Variants in TPR observed in about 807,000 individuals in gnomAD.
TPR encodes translocated promoter region, nuclear basket protein.
In TPR, 51 loss-of-function variants were observed where a neutral mutation model predicts 316.1. The observed-to-expected ratio is 0.16, with a 90% CI of 0.13 to 0.20. TPR has a LOEUF of 0.20. Ranked by LOEUF, TPR falls within the 10% of genes least tolerant of loss-of-function variation. The pLI is 1.00. For synonymous variants in TPR, 981 were observed against 914.7 expected, an observed-to-expected ratio of 1.07 and a Z score of -1.31; for missense variants, 2,272 against 2,754.8, an observed-to-expected ratio of 0.82 and a Z score of 3.92.
intron 23 of TPR, 129 bp downstream of exon 23, chr1:186,346,006 A>G (rs968255615): frequency 9.5e-7 from 1 of 1,053,614 alleles, no homozygotes; most frequent in African/African-American, 1.6e-5. Flanking sequence ...GTAAAACATA[A>G]AACTAAAATT....
At chr1:186,363,031 A>G (rs781339744) in intron 5 of TPR, 30 bp from the exon 6 acceptor site, 7 of 1,571,702 alleles carry the variant, frequency 4.5e-6, no homozygotes, top group South Asian at 1.2e-5. Context: ...TAACACGTAC[A>G]GTTAAAGATG....
In TPR at chr1:186,311,831, T is replaced by A. The variant is rs940960500; in HGVS notation, c.*2140A>T. 3.4e-6 allele frequency: 2 copies of A among 587,734 alleles called. No homozygotes were observed. Among genetic ancestry groups the A allele is most frequent in the Non-Finnish European group, 5.9e-6 (2 of 336,906 alleles). The allele number at this position is 587,734 out of a possible 1,614,324, so 36.4% of individuals were successfully genotyped here. ...TTCAGGTCACTGATAGAATGTCATT[T>A]ACTTTCGCTTCACAAATGTGCATGT... On this transcript the variant is annotated 3_prime_UTR_variant, in exon 51 of 51. Transcript: ENST00000367478.
chr1:186,355,505 T>C lies in TPR; in HGVS notation c.2076A>G (p.Ile692Met). Residue 692 changes from isoleucine to methionine, a missense_variant, in exon 17 of 51, where the codon ATA becomes ATG. Physicochemically the swap from Ile to Met is conservative, Grantham distance 10 (BLOSUM62 1). Coordinates refer to ENST00000367478, the MANE Select transcript of TPR (RefSeq NM_003292.3). ...GAAGTTTCTCAAGCTGCTCATTTTG[T>C]ATTTTTTCATTTTCTGCTTTTTCTT... ...YKKEKAENEK[I>M]QNEQLEKLQE... 6.2e-7 allele frequency: 1 copy of C among 1,612,490 alleles called. No individual in the cohort carries two copies.
At chr1:186,364,694 G>A (rs564223020) in intron 4 of TPR, among the ~76,000 whole-genome samples, 1 of 152,306 alleles carries the variant, frequency 6.6e-6, no homozygotes, top group South Asian at 2.1e-4. Flanking sequence ...AACTGAAGAA[G>A]CAGGTTCTGT....
chr1:186,341,939 T>A (rs1658516753), intron 27 of TPR: 1 of 152,798 alleles, frequency 6.5e-6, no homozygotes, highest in Non-Finnish European at 1.5e-5. Flanking sequence ...GCTACACTGT[T>A]CATGCTTAGA....
Position 186,335,102 on chromosome 1 carries a change from A to G in TPR, c.4939T>C (p.Leu1647=). The change falls in exon 35 of 51, where the codon TTG becomes CTG. Residue 1647 remains leucine, a synonymous_variant. Transcript: ENST00000367478. ...TCACCAGAAGCTGGAGTTGTTTTCAATGTGATCTGTCTCTGCTGTTCAGGG... is the reference window on the plus strand; with the variant it reads ...TCACCAGAAGCTGGAGTTGTTTTCAGTGTGATCTGTCTCTGCTGTTCAGGG... ...KVPEQQRQIT[L]KTTPASGERG... 1 of 1,613,100 alleles carries G rather than the reference A, an allele frequency of 6.2e-7. No individual in the cohort carries two copies. Among genetic ancestry groups the G allele is most frequent in the Non-Finnish European group, 8.5e-7 (1 of 1,179,504 alleles).
chr1:186,372,828 A>G (rs1659575544), intron 2 of TPR, among the ~76,000 whole-genome samples: 1 of 152,218 alleles, frequency 6.6e-6, no homozygotes, highest in African/African-American at 2.4e-5. Flanking sequence ...TTAGCTATCA[A>G]TCTTTTATAG....
intron 21 of TPR, among the ~76,000 whole-genome samples, chr1:186,348,515 T>A (rs1182217077): frequency 6.6e-6 from 1 of 152,212 alleles, no homozygotes; most frequent in Non-Finnish European, 1.5e-5. Flanking sequence ...GTTAGATCCT[T>A]ATCAGTGGTT....
chr1:186,348,901 T>G (rs908242637), intron 21 of TPR, among the ~76,000 whole-genome samples: 2 of 152,168 alleles, frequency 1.3e-5, no homozygotes, highest in African/African-American at 2.4e-5. Flanking sequence ...TCACATGATA[T>G]CAATAGGAAA....
rs766571324 is a variant in TPR, at chr1:186,312,417, T to G, written c.*1554A>C. ...AAAAAAATCCTTAAACATAAGTAGATGTAATACAGTTTCTTATACAGTAAG... is the reference window on the plus strand; with the variant it reads ...AAAAAAATCCTTAAACATAAGTAGAGGTAATACAGTTTCTTATACAGTAAG... On this transcript the variant is annotated 3_prime_UTR_variant, in exon 51 of 51. Coordinates refer to ENST00000367478, the MANE Select transcript of TPR (RefSeq NM_003292.3). 3 of 1,514,238 alleles carry G rather than the reference T, an allele frequency of 2.0e-6. No individual in the cohort carries two copies. Among genetic ancestry groups the G allele is most frequent in the Non-Finnish European group, 2.7e-6 (3 of 1,106,660 alleles). 93.8% of individuals were successfully genotyped at this position (1,514,238 alleles called of 1,614,324 possible). A position where few individuals can be genotyped will look rare whatever the true frequency, so the allele number is the denominator to read the frequency against.
rs1400028668 is a variant in TPR, at chr1:186,356,460, A to G, written c.1725-11T>C. On this transcript the variant is annotated splice_polypyrimidine_tract_variant and intron_variant, in intron 14 of 50. Transcript: ENST00000367478. ...TGAAGCTCAGTGATTCTGTAGAAAA[A>G]GTCGGCCTAATTCACAGGACTGAAC... is the stretch of plus-strand genomic sequence containing the variant. The G allele has an allele frequency of 1.9e-6, 3 of 1,602,198 alleles. No homozygotes were observed. Among genetic ancestry groups the G allele is most frequent in the African/African-American group, 2.7e-5 (2 of 74,808 alleles).
At chr1:186,330,418 C>T (rs2102062707) in intron 39 of TPR, among the ~76,000 whole-genome samples, 1 of 152,234 alleles carries the variant, frequency 6.6e-6, no homozygotes, top group East Asian at 1.9e-4. Flanking sequence ...AGAGGCTGCG[C>T]ACAAACTGTC....
chr1:186,318,441 T>G lies in TPR; in HGVS notation c.6821+6A>C. On this transcript the variant is annotated splice_donor_region_variant and intron_variant, in intron 48 of 50. Coordinates refer to ENST00000367478, the MANE Select transcript of TPR (RefSeq NM_003292.3). ...AGCAAGCAAAAACAACAAAATAAAC[T>G]TTTACCCTTCAGATTCTGCCTCCAC... is the stretch of plus-strand genomic sequence containing the variant. The G allele has an allele frequency of 6.2e-7, 1 of 1,606,998 alleles. No individual in the cohort carries two copies. Among genetic ancestry groups the G allele is most frequent in the Admixed American group, 1.7e-5 (1 of 58,410 alleles).
intron 43 of TPR, among the ~76,000 whole-genome samples, chr1:186,323,313 TTA>T (rs1342575415): frequency 6.6e-6 from 1 of 152,194 alleles, no homozygotes; most frequent in African/African-American, 2.4e-5. Flanking sequence ...AGAAATTCCT[TTA>T]TCTTTTATAA....
At chr1:186,316,228 T>A (rs1275410303) in intron 49 of TPR, among the ~76,000 whole-genome samples, 1 of 152,168 alleles carries the variant, frequency 6.6e-6, no homozygotes, top group Non-Finnish European at 1.5e-5. Context: ...ATACATTTTT[T>A]AAGCCTTACT....
intron 30 of TPR, among the ~76,000 whole-genome samples, chr1:186,339,351 C>A (rs889086216): frequency 4.0e-5 from 6 of 151,834 alleles, no homozygotes; most frequent in African/African-American, 7.2e-5. Flanking sequence ...AAAAAAAAAA[C>A]CTCCTTGTAA....
At chr1:186,343,580 TAC>T in intron 26 of TPR, 107 bp from the exon 27 acceptor site, 2 of 1,022,768 alleles carry the variant, frequency 2.0e-6, no homozygotes, top group South Asian at 1.7e-5. Context: ...TAATAACTAT[TAC>T]ACGTTTTCAT....
At chr1:186,349,061 A>C (rs908210646) in intron 21 of TPR, among the ~76,000 whole-genome samples, 1 of 152,194 alleles carries the variant, frequency 6.6e-6, no homozygotes, top group African/African-American at 2.4e-5. Flanking sequence ...TGAAACTATC[A>C]TGAGTTGAAA....
intron 22 of TPR, 108 bp from the exon 23 acceptor site, chr1:186,346,395 G>A (rs1658677172): frequency 1.8e-6 from 2 of 1,127,766 alleles, no homozygotes; most frequent in South Asian, 2.2e-5. Flanking sequence ...ATTAATGTTT[G>A]TTGTATATTA....
Sources: gnomAD v4.1 joint callset for allele counts (sites outside exome capture counted in the v4.1 genomes callset) on GRCh38, gnomAD v4.1.1 for gene constraint, MANE v1.5 for transcripts, NCBI Gene and HGNC (gene_info 2026-07-23, HGNC 2026-07-21) for gene names.